The following MAP2K1 variants were observed in gnomAD, a reference collection of about 807,000 sequenced individuals.
MAP2K1 encodes the protein mitogen-activated protein kinase kinase 1, also known as dual specificity mitogen-activated protein kinase kinase 1.
A neutral mutation model predicts 46.3 loss-of-function variants in MAP2K1; 16 were observed. The ratio of observed to expected loss-of-function variants is 0.35; its 90% CI spans 0.23 to 0.52. The LOEUF is 0.52. Ranked by LOEUF, MAP2K1 falls within the 20% of genes least tolerant of loss-of-function variation. The pLI is 0.94. For missense variants in MAP2K1, 263 were observed against 497.1 expected (o/e 0.53, Z 4.48); for synonymous variants, 183 against 185.6 (o/e 0.99, Z 0.11).
At position 66,388,402 on chromosome 15, in the gene MAP2K1, C is replaced by T. The variant is rs117118484; in HGVS notation, c.80+975C>T. Among the ~76,000 whole-genome samples, 863 of 152,182 alleles carry T rather than the reference C, an allele frequency of 5.7e-3. 6 individuals are homozygous for T. Among genetic ancestry groups the T allele is most frequent in the Non-Finnish European group, 9.0e-3 (614 of 68,016 alleles). ...CTTTTTTTGGTTGTTGTTTGCCCAA[C>T]CTTCAATAAGGATTGGGTTCTTAAT... On this transcript the variant is annotated intron_variant, in intron 1 of 10. Coordinates refer to ENST00000307102, the MANE Select transcript of MAP2K1 (RefSeq NM_002755.4).
In MAP2K1 at chr15:66,419,154, GT is replaced by G. The variant is rs202231028; in HGVS notation, c.81-15864del. The stretch of plus-strand genomic sequence containing the variant: ...GCTTCTTTTTTGTCTTATAACTTCT[GT>G]TTTTTTTTCCCCCCTCTCCCTCCAA... On this transcript the variant is annotated intron_variant, in intron 1 of 10. Transcript: ENST00000307102. 5.7e-3 allele frequency among the ~76,000 whole-genome samples: 843 copies of G among 148,904 alleles called. 7 individuals carry two copies. The highest frequency in any genetic ancestry group is 7.6e-3 in the Non-Finnish European group (509 of 67,046).
At chr15:66,405,527 A>G (rs1479034398) in intron 1 of MAP2K1, among the ~76,000 whole-genome samples, 1 of 152,152 alleles carries the variant, frequency 6.6e-6, no homozygotes, top group Non-Finnish European at 1.5e-5. Context: ...CACAAAGGAG[A>G]AAATGAGGGA....
At chr15:66,433,996 A>G (rs951833279) in intron 1 of MAP2K1, among the ~76,000 whole-genome samples, 4 of 152,256 alleles carry the variant, frequency 2.6e-5, no homozygotes, top group African/African-American at 4.8e-5. Context: ...CACTCGCTTC[A>G]GCACCCACTG....
At chr15:66,472,171 G>A (rs1892651465) in intron 5 of MAP2K1, among the ~76,000 whole-genome samples, 1 of 152,084 alleles carries the variant, frequency 6.6e-6, no homozygotes, top group Admixed American at 6.5e-5. Flanking sequence ...GGATGTGGTG[G>A]TGGGTGCCTG....
At chr15:66,489,416 C>CA in intron 9 of MAP2K1, 140 bp downstream of exon 9, 1 of 836,138 alleles carries the variant, frequency 1.2e-6, no homozygotes, top group Non-Finnish European at 2.1e-6. Context: ...TGGCTGCTGC[C>CA]ATAAGCCCTT....
intron 1 of MAP2K1, among the ~76,000 whole-genome samples, chr15:66,397,174 T>G (rs1294174038): frequency 6.6e-6 from 1 of 151,690 alleles, no homozygotes; most frequent in East Asian, 1.9e-4. Context: ...CCGGCTAATT[T>G]TTTGTATTTT....
Position 66,489,630 on chromosome 15 carries a change from T to C in MAP2K1, c.1023-88T>C, listed in dbSNP as rs1364311054. On this transcript the variant is annotated intron_variant, in intron 9 of 10. Transcript: ENST00000307102. Reference sequence around the variant, plus strand: ...AGCCCAGGCAATCCTCGGCCTCTAGTGTGCAGAGAAGACAGGCATGCAAAC... The same window carrying C: ...AGCCCAGGCAATCCTCGGCCTCTAGCGTGCAGAGAAGACAGGCATGCAAAC... 4 of 978,810 alleles carry C rather than the reference T, an allele frequency of 4.1e-6. No individual in the cohort carries two copies. The East Asian group carries it at 9.5e-5, about 23-fold the overall frequency. The allele number at this position is 978,810 out of a possible 1,614,324, so 60.6% of individuals were successfully genotyped here. A position where few individuals can be genotyped will look rare whatever the true frequency, so the allele number is the denominator to read the frequency against.
chr15:66,489,095 T>G, intron 8 of MAP2K1, 120 bp from the exon 9 acceptor site: 1 of 793,666 alleles, frequency 1.3e-6, no homozygotes. Flanking sequence ...GTACTGCCTT[T>G]GGACTGCAGA....
Position 66,470,091 on chromosome 15 carries a change from C to CTTTTT in MAP2K1, c.569-11662_569-11661insTTTTT, listed in dbSNP as rs1567021186. Among the ~76,000 whole-genome samples, 48 of 55,710 alleles carry CTTTTT rather than the reference C, an allele frequency of 8.6e-4. 1 individual carries two copies. Among genetic ancestry groups the CTTTTT allele is most frequent in the South Asian group, 3.9e-3 (6 of 1,520 alleles). The allele number at this position is 55,710 out of a possible 152,430, so 36.5% of individuals were successfully genotyped here. A position where few individuals can be genotyped will look rare whatever the true frequency, so the allele number is the denominator to read the frequency against. On this transcript the variant is annotated intron_variant, in intron 5 of 10. Transcript: ENST00000307102. ...TCCCTCCACCATGCCACTTTTTTTT[C>CTTTTT]TTGTTTTTTTTTTTTTTTTTTTTTT...
chr15:66,452,725 A>G (rs1322054775), intron 5 of MAP2K1, among the ~76,000 whole-genome samples: 1 of 152,214 alleles, frequency 6.6e-6, no homozygotes, highest in Non-Finnish European at 1.5e-5. Flanking sequence ...GAAATTACAT[A>G]TGGAAAGCAA....
intron 7 of MAP2K1, among the ~76,000 whole-genome samples, chr15:66,485,883 A>C (rs748781251): frequency 6.0e-5 from 9 of 151,098 alleles, no homozygotes; most frequent in Non-Finnish European, 1.0e-4. Flanking sequence ...ACTGGCTTCT[A>C]ATTTGTGGGT....
Position 66,420,873 on chromosome 15 carries a change from GTA to G in MAP2K1, c.81-14146_81-14145del, listed in dbSNP as rs1307386701. Among the ~76,000 whole-genome samples, 250 of 101,356 alleles carry G rather than the reference GTA, an allele frequency of 2.5e-3. 4 individuals are homozygous for G. The highest frequency in any genetic ancestry group is 8.3e-3 in the African/African-American group (235 of 28,334). The allele number at this position is 101,356 out of a possible 152,430, so 66.5% of individuals were successfully genotyped here. A position where few individuals can be genotyped will look rare whatever the true frequency, so the allele number is the denominator to read the frequency against. ...TATATATGTGTGTATATATATGTGTGTATATATATGTGTATATATACACATAC... is the reference window on the plus strand; with the variant it reads ...TATATATGTGTGTATATATATGTGTGTATATATGTGTATATATACACATAC... On this transcript the variant is annotated intron_variant, in intron 1 of 10. Coordinates refer to ENST00000307102, the MANE Select transcript of MAP2K1 (RefSeq NM_002755.4).
chr15:66,436,295 G>A (rs1439110138), intron 2 of MAP2K1, among the ~76,000 whole-genome samples: 1 of 152,170 alleles, frequency 6.6e-6, no homozygotes, highest in Non-Finnish European at 1.5e-5. Flanking sequence ...AAAATGTTAG[G>A]ATGACATAAG....
At chr15:66,414,264 C>G (rs1436684015) in intron 1 of MAP2K1, among the ~76,000 whole-genome samples, 1 of 124,886 alleles carries the variant, frequency 8.0e-6, no homozygotes, top group African/African-American at 2.7e-5. Context: ...AAGACTGTTA[C>G]AATCTAAGGG....
chr15:66,436,684 A>T (rs957650379), intron 2 of MAP2K1, 62 bp from the exon 3 acceptor site: 1 of 1,489,570 alleles, frequency 6.7e-7, no homozygotes, highest in African/African-American at 1.4e-5. Context: ...ACAAGACTAT[A>T]TCTTTCATCC....
intron 10 of MAP2K1, chr15:66,490,256 T>C (rs1230455522): frequency 1.6e-6 from 1 of 634,670 alleles, no homozygotes; most frequent in African/African-American, 1.8e-5. Context: ...AAGGCAGAGT[T>C]ACTGTCTCCA....
chr15:66,482,045 G>A (rs1211942022), intron 6 of MAP2K1, among the ~76,000 whole-genome samples, 166 bp downstream of exon 6: 2 of 152,186 alleles, frequency 1.3e-5, no homozygotes, highest in East Asian at 1.9e-4. Context: ...TGGGAAGATG[G>A]TCTTGGTCTT....
At chr15:66,460,302 A>C (rs1892285431) in intron 5 of MAP2K1, among the ~76,000 whole-genome samples, 1 of 152,070 alleles carries the variant, frequency 6.6e-6, no homozygotes, top group Admixed American at 6.5e-5. Context: ...GCTCCAGGTG[A>C]GTTTGTCTCT....
intron 1 of MAP2K1, among the ~76,000 whole-genome samples, chr15:66,426,462 A>G (rs958393173): frequency 6.6e-6 from 1 of 152,156 alleles, no homozygotes; most frequent in Non-Finnish European, 1.5e-5. Context: ...ACATCCTTCC[A>G]TGAGTTTCTT....
Sources: allele counts gnomAD v4.1 joint callset (sites outside exome capture counted in the v4.1 genomes callset), GRCh38; gene constraint gnomAD v4.1.1; transcripts MANE v1.5; gene names NCBI Gene and HGNC (gene_info 2026-07-23, HGNC 2026-07-21).